Variants in RPGRIP1 observed in about 807,000 individuals in gnomAD.
RPGRIP1 encodes X-linked retinitis pigmentosa GTPase regulator-interacting protein 1.
In RPGRIP1, 128 loss-of-function variants were observed where a neutral mutation model predicts 157.9. That is an observed-to-expected ratio of 0.81 (90% CI 0.70 to 0.94). The LOEUF (loss-of-function observed/expected upper bound fraction) is 0.94. RPGRIP1 is among the 40% of genes least tolerant of loss of function. RPGRIP1 has a pLI of 0.00. For missense variants in RPGRIP1, 1,486 were observed against 1,545.8 expected (o/e 0.96, Z 0.65); for synonymous variants, 554 against 571.6 (o/e 0.97, Z 0.44).
At position 21,305,589 on chromosome 14, in the gene RPGRIP1, G is replaced by T. The variant is rs547264138; in HGVS notation, c.800+2046G>T. On this transcript the variant is annotated intron_variant, in intron 6 of 24. Transcript: ENST00000400017. The stretch of plus-strand genomic sequence containing the variant: ...AAAACCACAGATCCAGGCCGGGTGC[G>T]GTGGCTTATGCCTGTAATCCCAGTA... 3.3e-5 allele frequency among the ~76,000 whole-genome samples: 5 copies of T among 152,198 alleles called. No individual in the cohort carries two copies. The South Asian group carries it at 1.0e-3, about 32-fold the overall frequency.
intron 3 of RPGRIP1, among the ~76,000 whole-genome samples, chr14:21,296,682 C>A (rs1419497351): frequency 6.6e-6 from 1 of 151,746 alleles, no homozygotes; most frequent in African/African-American, 2.4e-5. Context: ...ATTAGCCAGC[C>A]ACAGTGGCTC....
intron 1 of RPGRIP1, among the ~76,000 whole-genome samples, chr14:21,280,929 T>C (rs1426434706): frequency 1.3e-5 from 2 of 152,186 alleles, no homozygotes; most frequent in Non-Finnish European, 2.9e-5. Flanking sequence ...AATTTTTAAT[T>C]GACAATTTGA....
At chr14:21,348,414 G>A (rs958754673) in intron 24 of RPGRIP1, 112 bp downstream of exon 24, 1 of 847,010 alleles carries the variant, frequency 1.2e-6, no homozygotes, top group Non-Finnish European at 1.7e-6. Context: ...GACACAAAGT[G>A]GATTGAAATC....
At chr14:21,287,219 A>G (rs1880332355) in intron 1 of RPGRIP1, among the ~76,000 whole-genome samples, 2 of 152,214 alleles carry the variant, frequency 1.3e-5, no homozygotes, top group African/African-American at 4.8e-5. Flanking sequence ...CCAACATGGC[A>G]AAACCCTATC....
chr14:21,339,612 T>G (rs763416619), intron 21 of RPGRIP1, among the ~76,000 whole-genome samples: 3 of 152,218 alleles, frequency 2.0e-5, no homozygotes, highest in Non-Finnish European at 2.9e-5. Context: ...CTTTTTATAG[T>G]TCCTTCGTCT....
At chr14:21,285,549 G>A (rs1263409399) in intron 1 of RPGRIP1, among the ~76,000 whole-genome samples, 1 of 150,832 alleles carries the variant, frequency 6.6e-6, no homozygotes, top group Non-Finnish European at 1.5e-5. Flanking sequence ...AGGTTACAGT[G>A]AGCTGAGATC....
At chr14:21,348,325 C>A (rs963276420) in intron 24 of RPGRIP1, 23 bp downstream of exon 24, 7 of 1,510,388 alleles carry the variant, frequency 4.6e-6, no homozygotes, top group African/African-American at 1.4e-5. Flanking sequence ...TTTTTCAGTT[C>A]TAATTATTTC....
intron 2 of RPGRIP1, among the ~76,000 whole-genome samples, chr14:21,288,325 C>T (rs1391687099): frequency 4.0e-5 from 6 of 151,302 alleles, no homozygotes; most frequent in African/African-American, 7.3e-5. Flanking sequence ...GGATTACAGG[C>T]GTGCACCACC....
intron 1 of RPGRIP1, among the ~76,000 whole-genome samples, chr14:21,283,160 A>G (rs1047516311): frequency 6.6e-6 from 1 of 152,084 alleles, no homozygotes; most frequent in African/African-American, 2.4e-5. Flanking sequence ...CTACAGCTCC[A>G]TTTTTGCAAA....
Position 21,330,265 on chromosome 14 carries a change from A to T in RPGRIP1, c.3116A>T (p.Glu1039Val). The change falls in exon 20 of 25, where the codon GAG (glutamate) becomes GTG (valine). Residue 1039 changes from glutamate to valine, a missense_variant. Transcript: ENST00000400017. ...GNTPEQVNYTEWKFSETNSFI... is the reference protein window; with the variant it reads ...GNTPEQVNYTVWKFSETNSFI... ...ATTCTGAAGCAGGTGAATTACACTGAGTGGAAGTTCTCAGAGACTAACAGC... is the reference window on the plus strand; with the variant it reads ...ATTCTGAAGCAGGTGAATTACACTGTGTGGAAGTTCTCAGAGACTAACAGC... 1 of 1,569,974 alleles carries T rather than the reference A, an allele frequency of 6.4e-7. No homozygotes were observed. Among genetic ancestry groups the T allele is most frequent in the Middle Eastern group, 1.7e-4 (1 of 5,984 alleles).
At chr14:21,314,025 G>A (rs1213310386) in intron 10 of RPGRIP1, among the ~76,000 whole-genome samples, 1 of 147,666 alleles carries the variant, frequency 6.8e-6, no homozygotes, top group African/African-American at 2.5e-5. Context: ...TCAGCTCACT[G>A]CAACCTCCAC....
intron 3 of RPGRIP1, among the ~76,000 whole-genome samples, chr14:21,299,450 T>C (rs969988091): frequency 6.6e-6 from 1 of 152,134 alleles, no homozygotes; most frequent in South Asian, 2.1e-4. Flanking sequence ...CTGGATTCTA[T>C]GCCCCTGGCT....
chr14:21,288,136 C>A, intron 2 of RPGRIP1, 75 bp downstream of exon 2: 2 of 909,120 alleles, frequency 2.2e-6, no homozygotes, highest in Admixed American at 1.9e-5. Context: ...TGCTGGCCTT[C>A]ACAGAGACTG....
intron 17 of RPGRIP1, 71 bp from the exon 18 acceptor site, chr14:21,327,552 T>A: frequency 8.1e-7 from 1 of 1,238,040 alleles, no homozygotes; most frequent in Non-Finnish European, 1.2e-6. Context: ...AGGAAGTAGA[T>A]AAGGTGCTGA....
At chr14:21,304,341 AGGAG>A (rs367852465) in intron 6 of RPGRIP1, among the ~76,000 whole-genome samples, 366 of 141,598 alleles carry the variant, frequency 2.6e-3, no homozygotes, top group African/African-American at 5.2e-3. Flanking sequence ...GAAAGAAGGA[AGGAG>A]GGAGGGAGGG....
At chr14:21,341,870 T>TG (rs1885034735) in intron 21 of RPGRIP1, among the ~76,000 whole-genome samples, 2 of 151,646 alleles carry the variant, frequency 1.3e-5, no homozygotes, top group Non-Finnish European at 2.9e-5. Context: ...CCTGGCTAAC[T>TG]AAACCCCGTC....
chr14:21,335,416 G>A (rs1465105666), intron 21 of RPGRIP1, among the ~76,000 whole-genome samples: 2 of 152,040 alleles, frequency 1.3e-5, no homozygotes, highest in Non-Finnish European at 2.9e-5. Flanking sequence ...CTTCATGGGA[G>A]GGCTCATGGA....
rs768371536 is a variant in RPGRIP1 at position 21,311,874 on chromosome 14, T to A, written c.981T>A (p.Asn327Lys). The A allele has an allele frequency of 6.8e-6, 11 of 1,611,144 alleles. No homozygotes were observed. In the East Asian group the frequency reaches 2.5e-4, roughly 36 times the overall value. Residue 327 changes from asparagine (N) to lysine (K), a missense_variant, in exon 9 of 25, where the codon AAT becomes AAA. Asn to Lys is a moderately conservative substitution (Grantham distance 94). Transcript: ENST00000400017. Reference sequence around the variant, plus strand: ...ATGAGGCCCTCCTCAAGCAAGTGAATGAGCTCAGGGCAGAGCTGAAGGAAG... The same window carrying A: ...ATGAGGCCCTCCTCAAGCAAGTGAAAGAGCTCAGGGCAGAGCTGAAGGAAG... ...AAHEALLKQV[N>K]ELRAELKEES...
intron 12 of RPGRIP1, among the ~76,000 whole-genome samples, chr14:21,320,595 CTTTTTTTT>C (rs34911429): frequency 2.1e-5 from 2 of 95,182 alleles, no homozygotes; most frequent in East Asian, 3.2e-4. Flanking sequence ...CCGGCCCACT[CTTTTTTTT>C]TTTTTTTTTT....
Sources: allele counts gnomAD v4.1 joint callset (sites outside exome capture counted in the v4.1 genomes callset), GRCh38; gene constraint gnomAD v4.1.1; transcripts MANE v1.5; gene names NCBI Gene and HGNC (gene_info 2026-07-23, HGNC 2026-07-21).